Variants in BMPER observed in about 807,000 individuals in gnomAD.
BMPER encodes the protein BMP binding endothelial regulator.
A neutral mutation model predicts 87.3 loss-of-function variants in BMPER; 45 were observed. The ratio of observed to expected loss-of-function variants is 0.52; its 90% CI spans 0.41 to 0.66. The LOEUF (loss-of-function observed/expected upper bound fraction) is 0.66. BMPER is among the 30% of genes least tolerant of loss of function. BMPER has a pLI of 0.00. For missense variants in BMPER, 784 were observed against 867.5 expected, an observed-to-expected ratio of 0.90 and a Z score of 1.21; for synonymous variants, 326 against 316.2, an observed-to-expected ratio of 1.03 and a Z score of -0.33.
chr7:34,026,264 CAG>C (rs1787354853), intron 6 of BMPER, among the ~76,000 whole-genome samples: 1 of 151,900 alleles, frequency 6.6e-6, no homozygotes, highest in African/African-American at 2.4e-5. Context: ...TAGGGACAGT[CAG>C]GGGGATGAGG....
chr7:33,942,025 A>G (rs901709564), intron 3 of BMPER, among the ~76,000 whole-genome samples: 1 of 152,096 alleles, frequency 6.6e-6, no homozygotes, highest in Non-Finnish European at 1.5e-5. Flanking sequence ...AGTGGGTGCC[A>G]GGCAGAATGG....
At position 33,975,256 on chromosome 7, in the gene BMPER, C is replaced by G. The variant is rs145834036; in HGVS notation, c.576+472C>G. On this transcript the variant is annotated intron_variant, in intron 6 of 14. Transcript: ENST00000649409. ...TTCTTGCTGAGGCAGCTGCTTGGTT[C>G]TTTAGTGCAGCCAAATAAGAAGCAA... Among the ~76,000 whole-genome samples the G allele has an allele frequency of 4.8e-3, 726 of 152,204 alleles. 1 individual carries two copies. Among genetic ancestry groups the G allele is most frequent in the Non-Finnish European group, 7.9e-3 (538 of 68,022 alleles).
At chr7:34,149,509 C>G (rs1255176929) in intron 14 of BMPER, among the ~76,000 whole-genome samples, 1 of 151,938 alleles carries the variant, frequency 6.6e-6, no homozygotes, top group Non-Finnish European at 1.5e-5. Context: ...TCAGAGGTCT[C>G]TAACTGGAAG....
intron 13 of BMPER, among the ~76,000 whole-genome samples, chr7:34,092,164 G>A (rs921410165): frequency 3.3e-5 from 5 of 152,140 alleles, no homozygotes; most frequent in African/African-American, 4.8e-5. Flanking sequence ...GTCTTTTCAT[G>A]TAATAAACTG....
intron 8 of BMPER, among the ~76,000 whole-genome samples, chr7:34,053,248 C>T (rs905964132): frequency 1.3e-5 from 2 of 152,180 alleles, no homozygotes. Context: ...AATTCACAGT[C>T]ATCTTGGGGA....
intron 6 of BMPER, among the ~76,000 whole-genome samples, chr7:34,005,282 A>T (rs1370819213): frequency 6.6e-6 from 1 of 152,002 alleles, no homozygotes; most frequent in African/African-American, 2.4e-5. Flanking sequence ...ATTGTTTTTT[A>T]AAACTATTGT....
chr7:33,990,091 C>T (rs1358997928), intron 6 of BMPER, among the ~76,000 whole-genome samples: 9 of 151,240 alleles, frequency 6.0e-5, no homozygotes, highest in South Asian at 4.2e-4. Flanking sequence ...ATTGACTTGG[C>T]GATGCAGGCT....
intron 2 of BMPER, among the ~76,000 whole-genome samples, chr7:33,913,017 T>C (rs1223217939): frequency 6.6e-6 from 1 of 152,192 alleles, no homozygotes; most frequent in Non-Finnish European, 1.5e-5. Flanking sequence ...GACAGATTCT[T>C]GCCCACAGCC....
chr7:33,998,629 A>G (rs553181328), intron 6 of BMPER, among the ~76,000 whole-genome samples: 109 of 152,336 alleles, frequency 7.2e-4, no homozygotes, highest in Middle Eastern at 3.4e-3. Flanking sequence ...CAGTTTCAGC[A>G]GACTCCCTGA....
intron 3 of BMPER, among the ~76,000 whole-genome samples, chr7:33,958,855 T>G (rs1785205621): frequency 6.6e-6 from 1 of 152,162 alleles, no homozygotes; most frequent in Admixed American, 6.6e-5. Context: ...CACCCAAATC[T>G]CACTTTGAAT....
intron 2 of BMPER, among the ~76,000 whole-genome samples, chr7:33,928,687 A>G (rs1585645746): frequency 6.6e-6 from 1 of 151,562 alleles, no homozygotes; most frequent in East Asian, 1.9e-4. Context: ...TAAACAGAAT[A>G]GGACCCAAAA....
intron 13 of BMPER, among the ~76,000 whole-genome samples, chr7:34,097,996 AT>A (rs568115031): frequency 2.0e-5 from 3 of 150,824 alleles, no homozygotes; most frequent in Non-Finnish European, 3.0e-5. Flanking sequence ...GTATACCCTG[AT>A]TTTTTTTTCG....
At chr7:33,993,145 C>T in intron 6 of BMPER, among the ~76,000 whole-genome samples, 1 of 139,848 alleles carries the variant, frequency 7.2e-6, no homozygotes, top group Non-Finnish European at 1.6e-5. Context: ...TCTGTATTTC[C>T]TGAATCTGAA....
intron 13 of BMPER, among the ~76,000 whole-genome samples, chr7:34,127,361 C>T (rs111734701): frequency 3.3e-4 from 50 of 152,238 alleles, no homozygotes; most frequent in African/African-American, 1.1e-3. Flanking sequence ...GTCCCCCTAC[C>T]GCCAATTGTT....
chr7:34,098,383 T>C (rs549726533), intron 13 of BMPER, among the ~76,000 whole-genome samples: 1 of 152,298 alleles, frequency 6.6e-6, no homozygotes, highest in African/African-American at 2.4e-5. Context: ...AGGATGTATC[T>C]GTAAAAATCT....
chr7:34,040,040 C>A (rs1035876489), intron 6 of BMPER, among the ~76,000 whole-genome samples: 1 of 151,692 alleles, frequency 6.6e-6, no homozygotes, highest in African/African-American at 2.4e-5. Flanking sequence ...CCTCTAGGGT[C>A]GGGGAACAAT....
At chr7:34,147,557 A>G (rs1369339687) in intron 14 of BMPER, among the ~76,000 whole-genome samples, 1 of 151,980 alleles carries the variant, frequency 6.6e-6, no homozygotes, top group Non-Finnish European at 1.5e-5. Flanking sequence ...TATAACCTCC[A>G]ACTCCTAGGT....
At chr7:33,924,717 G>A (rs989178544) in intron 2 of BMPER, among the ~76,000 whole-genome samples, 1 of 152,148 alleles carries the variant, frequency 6.6e-6, no homozygotes, top group Non-Finnish European at 1.5e-5. Flanking sequence ...GCCCGGGCTG[G>A]AGTGCAATGG....
intron 12 of BMPER, among the ~76,000 whole-genome samples, chr7:34,080,653 T>C (rs1788988199): frequency 6.6e-6 from 1 of 152,190 alleles, no homozygotes; most frequent in South Asian, 2.1e-4. Flanking sequence ...CTGTAAAATG[T>C]GCGTAAGATG....
Sources: gnomAD v4.1 joint callset for allele counts (sites outside exome capture counted in the v4.1 genomes callset) on GRCh38, gnomAD v4.1.1 for gene constraint, MANE v1.5 for transcripts, NCBI Gene and HGNC (gene_info 2026-07-23, HGNC 2026-07-21) for gene names.